CACNG6: variants seen among roughly 807,000 people sequenced by gnomAD.
CACNG6 encodes the protein calcium voltage-gated channel auxiliary subunit gamma 6.
Under a neutral mutation model 23.9 loss-of-function variants are expected in CACNG6, and 21 were observed. The observed-to-expected ratio is 0.88, with a 90% CI of 0.62 to 1.26. The LOEUF (loss-of-function observed/expected upper bound fraction) is 1.26, where lower values mean the gene tolerates loss of function less well. Ranked by LOEUF, CACNG6 falls within the 50% of genes most tolerant of loss-of-function variation. CACNG6 has a pLI of 0.00. For missense variants in CACNG6, 340 were observed against 352.9 expected, an observed-to-expected ratio of 0.96 and a Z score of 0.29; for synonymous variants, 182 against 168.9, an observed-to-expected ratio of 1.08 and a Z score of -0.60.
intron 1 of CACNG6, 46 bp from the exon 2 acceptor site, chr19:53,998,193 G>C (rs2069539505): frequency 6.4e-7 from 1 of 1,553,424 alleles, no homozygotes; most frequent in Admixed American, 1.7e-5. Flanking sequence ...GCTTACGCAA[G>C]GGACCTCACA....
chr19:53,991,394 C>G (rs1397273501), upstream of CACNG6, among the ~76,000 whole-genome samples: 1 of 151,858 alleles, frequency 6.6e-6, no homozygotes. Flanking sequence ...GGAGCTGGGA[C>G]TCTCGGCGCC....
Position 53,991,979 on chromosome 19 carries a change from G to A in CACNG6, c.-899G>A, listed in dbSNP as rs190293787. ...CCCAGGAGGGCCCCCGGTCCCATCT[G>A]CCCCAGCCCTCGGGGAGGCCCCGTA... On this transcript the variant is annotated 5_prime_UTR_variant, in exon 1 of 4. Transcript: ENST00000252729. Among the ~76,000 whole-genome samples the A allele has an allele frequency of 1.3e-5, 2 of 151,996 alleles. No homozygotes were observed. The highest frequency in any genetic ancestry group is 3.4e-3 in the Middle Eastern group (1 of 292).
chr19:54,007,412 C>T (rs1409726880), intron 3 of CACNG6, among the ~76,000 whole-genome samples: 2 of 152,102 alleles, frequency 1.3e-5, no homozygotes, highest in Admixed American at 1.3e-4. Flanking sequence ...GGGTCAGGAC[C>T]CCAAAACATC....
upstream of CACNG6, among the ~76,000 whole-genome samples, chr19:53,991,584 G>A (rs1338978469): frequency 1.0e-4 from 11 of 108,862 alleles, no homozygotes; most frequent in Non-Finnish European, 2.2e-4. Flanking sequence ...AGGGTGGAGG[G>A]TGGAGGGTGG....
chr19:53,997,563 A>G (rs2069533049), intron 1 of CACNG6, among the ~76,000 whole-genome samples: 2 of 152,042 alleles, frequency 1.3e-5, no homozygotes, highest in Admixed American at 1.3e-4. Flanking sequence ...GTTTCCTCTT[A>G]TCTTTTCAAA....
chr19:53,992,516 C>T lies in CACNG6; in HGVS notation c.-362C>T, dbSNP rs1368577437. The T allele has an allele frequency of 5.7e-6, 1 of 175,246 alleles. No individual in the cohort carries two copies. Among genetic ancestry groups the T allele is most frequent in the East Asian group, 1.5e-4 (1 of 6,822 alleles). The allele number at this position is 175,246 out of a possible 1,614,324, so 10.9% of individuals were successfully genotyped here. A position where few individuals can be genotyped will look rare whatever the true frequency, so the allele number is the denominator to read the frequency against. ...TCAGCGGGCACCAGTTCTCATTCCTCTGGAGCTCTTGGGGGGACTCCCTCC... is the reference window on the plus strand; with the variant it reads ...TCAGCGGGCACCAGTTCTCATTCCTTTGGAGCTCTTGGGGGGACTCCCTCC... On this transcript the variant is annotated 5_prime_UTR_variant, in exon 1 of 4. Transcript: ENST00000252729. This position sits in a 1 kb window ranked among gnomAD's most constrained non-coding sequence, Gnocchi z 4.1.
Position 53,991,831 on chromosome 19 carries a change from G to T in CACNG6, c.-1047G>T, listed in dbSNP as rs796470153. ...GAAGGCCCTGGGAGCCCGGGGGAGGGAGACGGACTGATCCCGAAGGGGCGC... is the reference window on the plus strand; with the variant it reads ...GAAGGCCCTGGGAGCCCGGGGGAGGTAGACGGACTGATCCCGAAGGGGCGC... On this transcript the variant is annotated 5_prime_UTR_variant, in exon 1 of 4. Coordinates refer to ENST00000252729, the MANE Select transcript of CACNG6 (RefSeq NM_145814.2). 1.6e-3 allele frequency among the ~76,000 whole-genome samples: 245 copies of T among 152,300 alleles called. 2 individuals carry two copies. Among genetic ancestry groups the T allele is most frequent in the African/African-American group, 5.7e-3 (236 of 41,562 alleles).
intron 3 of CACNG6, 23 bp from the exon 4 acceptor site, chr19:54,011,928 G>T: frequency 6.9e-7 from 1 of 1,443,102 alleles, no homozygotes; most frequent in Non-Finnish European, 9.2e-7. Flanking sequence ...GCGTCTGACT[G>T]CGAGCTGTCC....
chr19:54,011,621 AC>A (rs2069715844), intron 3 of CACNG6, among the ~76,000 whole-genome samples: 1 of 151,284 alleles, frequency 6.6e-6, no homozygotes, highest in Non-Finnish European at 1.5e-5. Flanking sequence ...TGCAACTATC[AC>A]CCCCATCCAC....
At chr19:53,998,692 A>G (rs1409013995) in intron 2 of CACNG6, among the ~76,000 whole-genome samples, 3 of 151,898 alleles carry the variant, frequency 2.0e-5, no homozygotes, top group Admixed American at 1.3e-4. Flanking sequence ...TTATATTTTT[A>G]GTAGAGATGG....
chr19:53,991,399 G>C (rs2069456888), upstream of CACNG6, among the ~76,000 whole-genome samples: 1 of 151,934 alleles, frequency 6.6e-6, no homozygotes, highest in African/African-American at 2.4e-5. Flanking sequence ...TGGGACTCTC[G>C]GCGCCGCTCT....
chr19:53,998,511 C>CTTTTTTTTTT (rs35492861), intron 2 of CACNG6, among the ~76,000 whole-genome samples, 198 bp downstream of exon 2: 1 of 115,458 alleles, frequency 8.7e-6, no homozygotes, highest in African/African-American at 3.4e-5. Context: ...CTAGAGAACT[C>CTTTTTTTTTT]TTTTTTTTTT....
At chr19:53,991,219 A>C (rs1356986469), upstream of CACNG6, among the ~76,000 whole-genome samples, 1 of 149,432 alleles carries the variant, frequency 6.7e-6, no homozygotes, top group East Asian at 2.0e-4. Context: ...TTCTTCCTCT[A>C]CCACTCAGAA....
At chr19:53,994,269 A>C (rs1401142081) in intron 1 of CACNG6, among the ~76,000 whole-genome samples, 1 of 152,188 alleles carries the variant, frequency 6.6e-6, no homozygotes, top group East Asian at 1.9e-4. Context: ...ACCCGAGGGC[A>C]GACCTTGTTC....
At chr19:54,002,276 T>TTTTTTTG (rs2069585710) in intron 3 of CACNG6, among the ~76,000 whole-genome samples, 1 of 122,554 alleles carries the variant, frequency 8.2e-6, no homozygotes, top group African/African-American at 4.9e-5. Flanking sequence ...GGTTTTTTTG[T>TTTTTTTG]TTTTTTTGTT....
upstream of CACNG6, among the ~76,000 whole-genome samples, chr19:53,991,595 G>T (rs868675137): frequency 7.1e-6 from 1 of 141,810 alleles, no homozygotes; most frequent in African/African-American, 2.7e-5. Flanking sequence ...TGGAGGGTGG[G>T]GGGTGGGCGG....
chr19:54,007,191 C>T (rs532662310), intron 3 of CACNG6, among the ~76,000 whole-genome samples: 15 of 152,108 alleles, frequency 9.9e-5, no homozygotes, highest in East Asian at 1.9e-4. Context: ...TGGGATTACA[C>T]GCATGCACCA....
chr19:53,994,569 T>G (rs891540901), intron 1 of CACNG6, among the ~76,000 whole-genome samples: 8 of 152,184 alleles, frequency 5.3e-5, no homozygotes, highest in Admixed American at 2.0e-4. Context: ...AGAGCCCATT[T>G]GGGCTGTCAT....
chr19:53,999,485 A>C (rs573571478), intron 2 of CACNG6, 149 bp from the exon 3 acceptor site: 1 of 858,438 alleles, frequency 1.2e-6, no homozygotes, highest in East Asian at 2.5e-5. Context: ...CAACAGTGTA[A>C]GTAAAATGTT....
Sources: allele counts gnomAD v4.1 joint callset (sites outside exome capture counted in the v4.1 genomes callset), GRCh38; gene constraint gnomAD v4.1.1; non-coding constraint Gnocchi (gnomAD v3.1); transcripts MANE v1.5; gene names NCBI Gene and HGNC (gene_info 2026-07-23, HGNC 2026-07-21).